The following POLH variants were observed in gnomAD, a reference collection of about 807,000 sequenced individuals.
The protein encoded by POLH is DNA polymerase eta transcript.
POLH carries 53 observed loss-of-function variants against 73.6 expected under a neutral mutation model. The ratio of observed to expected loss-of-function variants is 0.72; its 90% CI spans 0.58 to 0.91. POLH has a LOEUF of 0.91. POLH is among the 40% of genes least tolerant of loss of function. The probability of loss-of-function intolerance (pLI) is 0.00; values close to 1 mark genes in which losing one functional copy is unlikely to be tolerated. For missense variants in POLH, 768 were observed against 865.4 expected, an observed-to-expected ratio of 0.89 and a Z score of 1.41; for synonymous variants, 292 against 308.5, an observed-to-expected ratio of 0.95 and a Z score of 0.56.
chr6:43,592,214 A>G (rs140756639), intron 4 of POLH, among the ~76,000 whole-genome samples: 20 of 152,314 alleles, frequency 1.3e-4, no homozygotes, highest in African/African-American at 4.8e-4. Flanking sequence ...GATAACAGAA[A>G]TTAGCTGATC....
At chr6:43,577,911 C>A (rs368653333) in intron 1 of POLH, among the ~76,000 whole-genome samples, 1 of 150,662 alleles carries the variant, frequency 6.6e-6, no homozygotes, top group Non-Finnish European at 1.5e-5. Context: ...GGTGAAACCC[C>A]GTCTCTACTA....
At position 43,587,436 on chromosome 6, in the gene POLH, A is replaced by G. The variant is rs146061840; in HGVS notation, c.437A>G (p.Tyr146Cys). Reference sequence around the variant, plus strand: ...TCGGCAGACTTGTTGCCAAGCACTTACATTGAAGGGTTGCCCCAAGGCCCT... The same window carrying G: ...TCGGCAGACTTGTTGCCAAGCACTTGCATTGAAGGGTTGCCCCAAGGCCCT... The part of the protein sequence containing the change: ...PISADLLPST[Y>C]IEGLPQGPTT... Residue 146 changes from tyrosine to cysteine, a missense_variant, in exon 4 of 11, where the codon TAC becomes TGC. Tyr to Cys is a radical substitution (Grantham distance 194). Transcript: ENST00000372236. 6.2e-7 allele frequency: 1 copy of G among 1,614,218 alleles called. No homozygotes were observed.
At chr6:43,599,772 T>C (rs1766519096) in intron 5 of POLH, among the ~76,000 whole-genome samples, 1 of 151,166 alleles carries the variant, frequency 6.6e-6, no homozygotes, top group Non-Finnish European at 1.5e-5. Context: ...TTTTAAAACA[T>C]ACAAATATAA....
chr6:43,599,341 T>C (rs542811922), intron 5 of POLH, among the ~76,000 whole-genome samples: 1 of 152,294 alleles, frequency 6.6e-6, no homozygotes, highest in East Asian at 1.9e-4. Flanking sequence ...CTGGGTATTT[T>C]ATGCTTTTGC....
At chr6:43,577,297 G>C (rs1763469170) in intron 1 of POLH, among the ~76,000 whole-genome samples, 1 of 152,182 alleles carries the variant, frequency 6.6e-6, no homozygotes, top group Non-Finnish European at 1.5e-5. Flanking sequence ...TTAGTAAATT[G>C]TGTGCTGAAC....
Position 43,587,296 on chromosome 6 carries a change from G to A in POLH, c.297G>A (p.Val99=), listed in dbSNP as rs1049006531. The change falls in exon 4 of 11, where the codon GTG becomes GTA. Residue 99 remains valine (V), a synonymous_variant. Coordinates refer to ENST00000372236, the MANE Select transcript of POLH (RefSeq NM_006502.3). Reference sequence around the variant, plus strand: ...GGTACCGGGAAGCCAGTGTTGAAGTGATGGAGATAATGTCTCGTTTTGCTG... The same window carrying A: ...GGTACCGGGAAGCCAGTGTTGAAGTAATGGAGATAATGTCTCGTTTTGCTG... ...LTKYREASVE[V]MEIMSRFAVI... is the part of the protein sequence containing the mutation. 8 of 1,613,992 alleles carry A rather than the reference G, an allele frequency of 5.0e-6. No homozygotes were observed. Among genetic ancestry groups the A allele is most frequent in the Non-Finnish European group, 6.8e-6 (8 of 1,179,944 alleles).
intron 4 of POLH, among the ~76,000 whole-genome samples, chr6:43,590,395 G>A (rs945062659): frequency 2.0e-5 from 3 of 150,406 alleles, no homozygotes; most frequent in African/African-American, 7.3e-5. Context: ...TTGTGATAAT[G>A]TTAGATTATG....
At chr6:43,604,568 G>T (rs1767068393) in intron 7 of POLH, 47 bp from the exon 8 acceptor site, 8 of 1,597,064 alleles carry the variant, frequency 5.0e-6, no homozygotes, top group South Asian at 1.1e-5. Flanking sequence ...GTTTTAACAA[G>T]AATAATCATT....
chr6:43,595,562 A>G (rs1765950835), intron 4 of POLH, among the ~76,000 whole-genome samples: 1 of 152,112 alleles, frequency 6.6e-6, no homozygotes. Flanking sequence ...CCTGGCTAAC[A>G]TGGTGAAACC....
chr6:43,593,577 A>G (rs961726719), intron 4 of POLH, among the ~76,000 whole-genome samples: 1 of 152,192 alleles, frequency 6.6e-6, no homozygotes, highest in Non-Finnish European at 1.5e-5. Flanking sequence ...AGGTGCCAAG[A>G]TAATTCAACA....
chr6:43,582,927 G>T, intron 2 of POLH, 80 bp from the exon 3 acceptor site: 1 of 1,212,552 alleles, frequency 8.2e-7, no homozygotes, highest in Non-Finnish European at 1.2e-6. Flanking sequence ...TATGTTTATA[G>T]ATTACTTGTG....
At chr6:43,603,578 A>C (rs1766970815) in intron 6 of POLH, among the ~76,000 whole-genome samples, 1 of 152,126 alleles carries the variant, frequency 6.6e-6, no homozygotes, top group Admixed American at 6.6e-5. Context: ...ATTCTTAAGT[A>C]AAGTTTTAGC....
Position 43,603,892 on chromosome 6 carries a change from C to T in POLH, c.765C>T (p.Ile255=). The change falls in exon 7 of 11, where the codon ATC becomes ATT. Residue 255 remains isoleucine, a splice_region_variant and synonymous_variant. Transcript: ENST00000372236. The stretch of plus-strand genomic sequence containing the variant: ...AATTCTTTGTCTCCTTTGTTATCAG[C>T]CGTAGTCTTGGAGGAAAGCTAGGGG... ...QLFSQMPIRK[I]RSLGGKLGAS... 1.2e-6 allele frequency: 2 copies of T among 1,613,342 alleles called. No homozygotes were observed. The highest frequency in any genetic ancestry group is 1.7e-6 in the Non-Finnish European group (2 of 1,179,506).
intron 4 of POLH, among the ~76,000 whole-genome samples, chr6:43,597,154 C>T (rs553100597): frequency 3.3e-5 from 5 of 152,120 alleles, no homozygotes; most frequent in African/African-American, 1.2e-4. Context: ...CTTGCTCTGT[C>T]GCCCAGGCTG....
rs1367649943 is a variant in POLH, at chr6:43,620,411, G to A, written c.*5854G>A. 2.0e-5 allele frequency: 9 copies of A among 444,028 alleles called. No homozygotes were observed. Among genetic ancestry groups the A allele is most frequent in the Non-Finnish European group, 3.5e-5 (8 of 228,870 alleles). 27.5% of individuals were successfully genotyped at this position (444,028 alleles called of 1,614,324 possible). On this transcript the variant is annotated 3_prime_UTR_variant, in exon 11 of 11. Transcript: ENST00000372236. ...CCACATTCAGGGCTCAGCAGTGTTG[G>A]GGTTTCACTTGTCTCTAATCCTGAA... is the stretch of plus-strand genomic sequence containing the variant.
At chr6:43,603,764 C>T in intron 6 of POLH, 128 bp from the exon 7 acceptor site, 1 of 883,742 alleles carries the variant, frequency 1.1e-6, no homozygotes, top group Non-Finnish European at 1.9e-6. Context: ...AACTGAATTC[C>T]CAGAATATAT....
chr6:43,601,128 TC>T (rs1396328726), intron 6 of POLH, 37 bp downstream of exon 6: 1 of 1,391,464 alleles, frequency 7.2e-7, no homozygotes, highest in Non-Finnish European at 1.0e-6. Context: ...TTCACTTCTA[TC>T]CATGTGTAGA....
Position 43,614,579 on chromosome 6 carries a change from T to C in POLH, c.*22T>C, listed in dbSNP as rs957145802. 1.3e-6 allele frequency: 2 copies of C among 1,588,898 alleles called. No homozygotes were observed. Among genetic ancestry groups the C allele is most frequent in the Non-Finnish European group, 1.7e-6 (2 of 1,160,086 alleles). The stretch of plus-strand genomic sequence containing the variant: ...TTAGTGCTGCCCTCAGGCTTGCCTG[T>C]AGGATTTAATATTTTTTATCTTTAC... On this transcript the variant is annotated 3_prime_UTR_variant, in exon 11 of 11. Transcript: ENST00000372236.
rs767675254 is a variant in POLH at position 43,603,858 on chromosome 6, T to C, written c.765-34T>C. 1.1e-5 allele frequency: 17 copies of C among 1,610,084 alleles called. No individual in the cohort carries two copies. In the South Asian group the frequency reaches 1.9e-4, roughly 18 times the overall value. ...TGCTGCTAATTAGATAGTTATGATGTGACCTATCAATTCTTTGTCTCCTTT... is the reference window on the plus strand; with the variant it reads ...TGCTGCTAATTAGATAGTTATGATGCGACCTATCAATTCTTTGTCTCCTTT... On this transcript the variant is annotated intron_variant, in intron 6 of 10. Coordinates refer to ENST00000372236, the MANE Select transcript of POLH (RefSeq NM_006502.3).
Sources: allele counts gnomAD v4.1 joint callset (sites outside exome capture counted in the v4.1 genomes callset), GRCh38; gene constraint gnomAD v4.1.1; transcripts MANE v1.5; gene names NCBI Gene and HGNC (gene_info 2026-07-23, HGNC 2026-07-21).